Variants in WDR72 observed in about 807,000 individuals in gnomAD.
WDR72 encodes WD repeat-containing protein 72.
In WDR72, 120 loss-of-function variants were observed where a neutral mutation model predicts 124.2. The ratio of observed to expected loss-of-function variants is 0.97; its 90% CI spans 0.83 to 1.12. The LOEUF (loss-of-function observed/expected upper bound fraction) is 1.12, where lower values mean the gene tolerates loss of function less well. Ranked by LOEUF, WDR72 falls within the 50% of genes most tolerant of loss-of-function variation. The pLI, the probability that WDR72 is intolerant of heterozygous loss-of-function variation, is 0.00. For missense variants in WDR72, 1,387 were observed against 1,278.8 expected (o/e 1.08, Z -1.29); for synonymous variants, 452 against 441.7 (o/e 1.02, Z -0.29).
intron 1 of WDR72, among the ~76,000 whole-genome samples, chr15:53,734,446 A>G (rs1458400948): frequency 6.6e-6 from 1 of 152,188 alleles, no homozygotes; most frequent in Non-Finnish European, 1.5e-5. Context: ...TCTGATTTCA[A>G]TAATACTGTA....
At chr15:53,755,228 A>G (rs1409935269) in intron 1 of WDR72, among the ~76,000 whole-genome samples, 2 of 152,210 alleles carry the variant, frequency 1.3e-5, no homozygotes, top group Non-Finnish European at 2.9e-5. Context: ...TTTTTGTTCA[A>G]TTGGAAATCA....
At chr15:53,672,053 G>A (rs1391934787) in intron 13 of WDR72, among the ~76,000 whole-genome samples, 1 of 151,936 alleles carries the variant, frequency 6.6e-6, no homozygotes, top group African/African-American at 2.4e-5. Context: ...CCTTCCTAAG[G>A]AATAGTGCCC....
intron 13 of WDR72, among the ~76,000 whole-genome samples, chr15:53,699,196 A>G (rs2017092640): frequency 6.6e-6 from 1 of 152,172 alleles, no homozygotes; most frequent in Non-Finnish European, 1.5e-5. Flanking sequence ...TCTGGAATGT[A>G]TTACTCTCAA....
chr15:53,755,038 A>C (rs2018864397), intron 1 of WDR72, among the ~76,000 whole-genome samples: 1 of 152,226 alleles, frequency 6.6e-6, no homozygotes, highest in African/African-American at 2.4e-5. Flanking sequence ...AACTGGAAAA[A>C]GAGGCAGTGA....
chr15:53,759,470 C>T (rs1490143893), intron 1 of WDR72, 163 bp downstream of exon 1: 1 of 152,272 alleles, frequency 6.6e-6, no homozygotes, highest in African/African-American at 2.4e-5. Context: ...GCTGCGCACG[C>T]CCACCCTCTT....
chr15:53,521,513 G>A (rs945803747), intron 19 of WDR72, among the ~76,000 whole-genome samples: 2 of 152,048 alleles, frequency 1.3e-5, no homozygotes, highest in Non-Finnish European at 2.9e-5. Flanking sequence ...GATGTCCGAT[G>A]TATAGAACGG....
At chr15:53,556,697 G>T (rs978810255) in intron 18 of WDR72, among the ~76,000 whole-genome samples, 3 of 151,984 alleles carry the variant, frequency 2.0e-5, no homozygotes, top group Non-Finnish European at 2.9e-5. Flanking sequence ...ATCTTGAATG[G>T]GTTCAATCCA....
chr15:53,526,620 A>T (rs1278805644), intron 18 of WDR72, among the ~76,000 whole-genome samples: 1 of 152,078 alleles, frequency 6.6e-6, no homozygotes, highest in Non-Finnish European at 1.5e-5. Flanking sequence ...GGGCCCATTT[A>T]TCACAGTAAG....
intron 14 of WDR72, among the ~76,000 whole-genome samples, chr15:53,627,257 A>T (rs1207597834): frequency 1.3e-5 from 2 of 152,220 alleles, no homozygotes; most frequent in African/African-American, 4.8e-5. Context: ...TTAGCTAAAC[A>T]TTCATTTTAC....
chr15:53,666,643 T>C (rs184115365), intron 13 of WDR72, among the ~76,000 whole-genome samples: 1 of 152,272 alleles, frequency 6.6e-6, no homozygotes, highest in East Asian at 1.9e-4. Flanking sequence ...AATACCTAAA[T>C]ACAGACTTCA....
intron 14 of WDR72, among the ~76,000 whole-genome samples, chr15:53,647,803 G>A (rs76683791): frequency 0.013 from 2,005 of 152,180 alleles, 34 homozygotes; most frequent in East Asian, 0.07. Context: ...TGATCTAGAT[G>A]TTTTCCAAAT....
intron 15 of WDR72, 62 bp downstream of exon 15, chr15:53,615,364 A>C: frequency 2.3e-6 from 3 of 1,316,328 alleles, no homozygotes; most frequent in African/African-American, 3.0e-5. Context: ...AATATAGCAA[A>C]TAATGATATA....
chr15:53,717,034 T>TC (rs2017733224), intron 3 of WDR72, among the ~76,000 whole-genome samples: 6 of 151,876 alleles, frequency 4.0e-5, no homozygotes, highest in Non-Finnish European at 1.5e-5. Flanking sequence ...GAACTTAAAC[T>TC]ACATATTCTG....
At position 53,596,711 on chromosome 15, in the gene WDR72, T is replaced by C. The variant is rs529653548; in HGVS notation, c.3148+368A>G. 2.5e-4 allele frequency among the ~76,000 whole-genome samples: 38 copies of C among 152,312 alleles called. No individual in the cohort carries two copies. In the South Asian group the frequency reaches 3.1e-3, roughly 12 times the overall value. Reference sequence around the variant, plus strand: ...AAATATTTATGATTATAATAGGATCTAGAAGTCCTTCAAACATTTGACAAT... The same window carrying C: ...AAATATTTATGATTATAATAGGATCCAGAAGTCCTTCAAACATTTGACAAT... On this transcript the variant is annotated intron_variant, in intron 18 of 19. Transcript: ENST00000360509.
intron 19 of WDR72, among the ~76,000 whole-genome samples, chr15:53,520,105 T>C (rs1891705177): frequency 8.0e-6 from 1 of 125,352 alleles, no homozygotes; most frequent in South Asian, 2.5e-4. Flanking sequence ...CCTATGAAAA[T>C]ACGTTCGTAT....
chr15:53,553,472 T>C (rs1387876623), intron 18 of WDR72, among the ~76,000 whole-genome samples: 1 of 152,162 alleles, frequency 6.6e-6, no homozygotes, highest in Non-Finnish European at 1.5e-5. Flanking sequence ...TTTATAGAAA[T>C]ATTTCTATTG....
chr15:53,603,448 A>G (rs1755120453), intron 17 of WDR72, among the ~76,000 whole-genome samples: 3 of 152,186 alleles, frequency 2.0e-5, no homozygotes, highest in Admixed American at 2.0e-4. Flanking sequence ...GCCCTCTCTT[A>G]CTACTCCTAT....
chr15:53,712,916 A>C (rs1195246313), intron 6 of WDR72, 25 bp from the exon 7 acceptor site: 11 of 1,611,802 alleles, frequency 6.8e-6, no homozygotes, highest in Non-Finnish European at 9.3e-6. Flanking sequence ...AAAATCTTTT[A>C]GTACTAGTTC....
intron 13 of WDR72, among the ~76,000 whole-genome samples, chr15:53,674,660 G>A (rs556393992): frequency 1.3e-4 from 20 of 152,274 alleles, no homozygotes; most frequent in Admixed American, 1.0e-3. Flanking sequence ...GCTAAAAAAT[G>A]GAGTGTCAAA....
Sources: gnomAD v4.1 joint callset for allele counts (sites outside exome capture counted in the v4.1 genomes callset) on GRCh38, gnomAD v4.1.1 for gene constraint, MANE v1.5 for transcripts, NCBI Gene and HGNC (gene_info 2026-07-23, HGNC 2026-07-21) for gene names.